Variants in RAP1A observed in about 807,000 individuals in gnomAD.
RAP1A encodes the protein RAP1A, member of RAS oncogene family.
Under a neutral mutation model 26.4 loss-of-function variants are expected in RAP1A, and 6 were observed. The ratio of observed to expected loss-of-function variants is 0.23; its 90% confidence interval spans 0.12 to 0.45. The LOEUF (loss-of-function observed/expected upper bound fraction) is 0.45, where lower values mean the gene tolerates loss of function less well. Among genes scored for constraint, RAP1A ranks in the 20% least tolerant of loss-of-function variants. The probability of loss-of-function intolerance (pLI) is 0.99; values close to 1 mark genes in which losing one functional copy is unlikely to be tolerated. For missense variants in RAP1A, 121 were observed against 217.2 expected (o/e 0.56, Z 2.78); for synonymous variants, 73 against 79.4 (o/e 0.92, Z 0.43).
intron 1 of RAP1A, among the ~76,000 whole-genome samples, chr1:111,593,014 GGAGA>G (rs973546681): frequency 2.0e-5 from 3 of 152,088 alleles, no homozygotes; most frequent in African/African-American, 7.2e-5. Context: ...CCAGAGAGAG[GGAGA>G]GAGAGAAAAA....
At chr1:111,601,895 G>A (rs1321052329) in intron 1 of RAP1A, among the ~76,000 whole-genome samples, 1 of 152,060 alleles carries the variant, frequency 6.6e-6, no homozygotes, top group Non-Finnish European at 1.5e-5. Context: ...TTATAACAAG[G>A]GTAAGAGGAA....
chr1:111,586,686 T>G (rs1344594793), intron 1 of RAP1A, among the ~76,000 whole-genome samples: 1 of 152,202 alleles, frequency 6.6e-6, no homozygotes, highest in Non-Finnish European at 1.5e-5. Context: ...AGGAGTGGCA[T>G]ATAGCAAGCG....
chr1:111,623,538 C>G (rs1659288014), intron 1 of RAP1A, among the ~76,000 whole-genome samples: 1 of 152,032 alleles, frequency 6.6e-6, no homozygotes, highest in African/African-American at 2.4e-5. Context: ...TCCTGAGTAA[C>G]TGGGATTACA....
rs544846193 is a variant in RAP1A, at chr1:111,712,763, T to G, written c.*362T>G. The G allele has an allele frequency of 2.6e-5, 4 of 152,650 alleles. No individual in the cohort carries two copies. The highest frequency in any genetic ancestry group is 2.6e-4 in the Admixed American group (4 of 15,292). The allele number at this position is 152,650 out of a possible 1,614,324, so 9.5% of individuals were successfully genotyped here. A position where few individuals can be genotyped will look rare whatever the true frequency, so the allele number is the denominator to read the frequency against. ...TTTCATATTGATCTTTTTATCATGA[T>G]CCTCCCTATCAAGCACTAAAAAGTT... On this transcript the variant is annotated 3_prime_UTR_variant, in exon 8 of 8. Transcript: ENST00000369709.
chr1:111,621,363 C>A (rs1390045849), intron 1 of RAP1A, among the ~76,000 whole-genome samples: 1 of 152,166 alleles, frequency 6.6e-6, no homozygotes, highest in Non-Finnish European at 1.5e-5. Flanking sequence ...AATTAGGCCC[C>A]AGACTTTCTG....
chr1:111,623,224 C>G (rs1037639444), intron 1 of RAP1A, among the ~76,000 whole-genome samples: 5 of 151,826 alleles, frequency 3.3e-5, no homozygotes, highest in African/African-American at 1.2e-4. Context: ...CGAGGTTTCC[C>G]CATGTTGGCC....
At chr1:111,629,385 A>G (rs1228133714) in intron 1 of RAP1A, among the ~76,000 whole-genome samples, 4 of 152,176 alleles carry the variant, frequency 2.6e-5, no homozygotes, top group Admixed American at 6.5e-5. Flanking sequence ...AAAGCAAGTT[A>G]GCCAGAGATT....
intron 1 of RAP1A, among the ~76,000 whole-genome samples, chr1:111,583,074 G>A (rs1197981093): frequency 5.3e-5 from 8 of 152,094 alleles, no homozygotes; most frequent in Non-Finnish European, 1.0e-4. Flanking sequence ...ATCTTGCAGA[G>A]ATTTCTGTAT....
chr1:111,680,978 G>A (rs1661275366), intron 1 of RAP1A, among the ~76,000 whole-genome samples: 1 of 152,242 alleles, frequency 6.6e-6, no homozygotes. Context: ...TGGGTGTGGT[G>A]GCTCACGCCT....
intron 1 of RAP1A, among the ~76,000 whole-genome samples, chr1:111,579,762 A>G (rs868541083): frequency 6.6e-5 from 10 of 152,162 alleles, no homozygotes; most frequent in Middle Eastern, 6.8e-3. Flanking sequence ...CACAAAATCT[A>G]TTTTAAAATA....
At chr1:111,642,610 C>G (rs993055109) in intron 1 of RAP1A, among the ~76,000 whole-genome samples, 1 of 151,990 alleles carries the variant, frequency 6.6e-6, no homozygotes, top group African/African-American at 2.4e-5. Flanking sequence ...GCGTCAGCCT[C>G]CTGAGTAGCT....
intron 1 of RAP1A, chr1:111,649,614 A>G (rs1408759263): frequency 4.8e-6 from 1 of 208,714 alleles, no homozygotes. Context: ...ATTAGATATT[A>G]TCATTGCCTA....
At chr1:111,561,654 C>T (rs1263469202) in intron 1 of RAP1A, among the ~76,000 whole-genome samples, 1 of 152,188 alleles carries the variant, frequency 6.6e-6, no homozygotes, top group Non-Finnish European at 1.5e-5. Context: ...TTCTCTCCTA[C>T]TGCTCACTAC....
At chr1:111,650,621 GTC>G in intron 1 of RAP1A, 1 of 152,240 alleles carries the variant, frequency 6.6e-6, no homozygotes, top group South Asian at 2.1e-4. Flanking sequence ...CACATGCATA[GTC>G]TCCTTCATTA....
chr1:111,548,763 C>T (rs905858272), intron 1 of RAP1A, among the ~76,000 whole-genome samples: 3 of 152,118 alleles, frequency 2.0e-5, no homozygotes, highest in Non-Finnish European at 4.4e-5. Context: ...TTCTTTGGGG[C>T]GTTGTCCCCA....
chr1:111,669,653 T>C (rs1415805712), intron 1 of RAP1A, among the ~76,000 whole-genome samples: 1 of 152,238 alleles, frequency 6.6e-6, no homozygotes, highest in Non-Finnish European at 1.5e-5. Context: ...AGCCAGTGTC[T>C]ACATCTTAAC....
At position 111,689,967 on chromosome 1, in the gene RAP1A, C is replaced by T. The variant is rs139109966; in HGVS notation, c.-27-1367C>T. On this transcript the variant is annotated intron_variant, in intron 1 of 7. Transcript: ENST00000369709. ...CTGGGATTACAGGCGTGAGCCACTG[C>T]GCCCGGCCTCAGGTCACATTTTCTT... Among the ~76,000 whole-genome samples the T allele has an allele frequency of 4.4e-3, 670 of 152,316 alleles. 4 individuals carry two copies. Among genetic ancestry groups the T allele is most frequent in the African/African-American group, 0.015 (621 of 41,550 alleles).
intron 1 of RAP1A, among the ~76,000 whole-genome samples, chr1:111,606,584 G>C (rs1482788166): frequency 6.6e-6 from 1 of 152,140 alleles, no homozygotes; most frequent in Non-Finnish European, 1.5e-5. Flanking sequence ...AGTGTGCCCA[G>C]CCGTGCTTAG....
At chr1:111,658,738 T>C (rs1174288067) in intron 1 of RAP1A, among the ~76,000 whole-genome samples, 1 of 152,224 alleles carries the variant, frequency 6.6e-6, no homozygotes, top group African/African-American at 2.4e-5. Flanking sequence ...CTGTATTCTG[T>C]AAATGTTGAT....
Sources: gnomAD v4.1 joint callset for allele counts (sites outside exome capture counted in the v4.1 genomes callset) on GRCh38, gnomAD v4.1.1 for gene constraint, MANE v1.5 for transcripts, NCBI Gene and HGNC (gene_info 2026-07-23, HGNC 2026-07-21) for gene names.